Variants in EDNRB observed in about 807,000 individuals in gnomAD.
The protein encoded by EDNRB is endothelin receptor type B.
EDNRB carries 18 observed loss-of-function variants against 46.4 expected under a neutral mutation model. The ratio of observed to expected loss-of-function variants is 0.39; its 90% confidence interval spans 0.27 to 0.57. EDNRB has a LOEUF of 0.57. EDNRB is among the 20% of genes least tolerant of loss of function. The pLI is 0.61. For synonymous variants in EDNRB, 213 were observed against 204.9 expected (o/e 1.04, Z -0.34); for missense variants, 434 against 537.5 (o/e 0.81, Z 1.90).
chr13:77,912,431 G>C (rs1879617734), intron 1 of EDNRB, among the ~76,000 whole-genome samples: 1 of 152,030 alleles, frequency 6.6e-6, no homozygotes, highest in South Asian at 2.1e-4. Context: ...CTGAGTTTCT[G>C]GTTGATTTGA....
chr13:77,917,653 A>G, intron 1 of EDNRB, among the ~76,000 whole-genome samples: 1 of 152,194 alleles, frequency 6.6e-6, no homozygotes, highest in East Asian at 1.9e-4. Context: ...AGGTGCACTT[A>G]GGGACTAGAT....
chr13:77,925,504 G>A (rs771076306), intron 1 of EDNRB, among the ~76,000 whole-genome samples: 9 of 152,346 alleles, frequency 5.9e-5, no homozygotes, highest in South Asian at 2.1e-4. Context: ...AGCTCAGGCT[G>A]TGCCTTCAGA....
intron 1 of EDNRB, 115 bp downstream of exon 1, chr13:77,917,976 G>C: frequency 6.6e-7 from 1 of 1,515,150 alleles, no homozygotes; most frequent in Non-Finnish European, 9.1e-7. Flanking sequence ...TTTAGGAGGG[G>C]CAGAACCTTA....
chr13:77,919,688 C>G, upstream of EDNRB: 1 of 1,437,280 alleles, frequency 7.0e-7, no homozygotes, highest in Admixed American at 2.0e-5. Context: ...TCCCCTTGGG[C>G]GATGCCTGGA....
At chr13:77,970,297 G>A (rs926170300) in intron 1 of EDNRB, among the ~76,000 whole-genome samples, 28 of 152,144 alleles carry the variant, frequency 1.8e-4, no homozygotes, top group African/African-American at 6.8e-4. Context: ...GGTATTTTCT[G>A]AGTCAAAGGG....
chr13:77,920,924 T>C (rs1160340630), upstream of EDNRB, among the ~76,000 whole-genome samples: 1 of 152,218 alleles, frequency 6.6e-6, no homozygotes, highest in African/African-American at 2.4e-5. Flanking sequence ...CTATGGCTCC[T>C]GTGGGGTGAC....
At chr13:77,951,978 G>A (rs999137302) in intron 1 of EDNRB, among the ~76,000 whole-genome samples, 7 of 151,970 alleles carry the variant, frequency 4.6e-5, no homozygotes, top group Non-Finnish European at 7.4e-5. Flanking sequence ...ATATGTTACC[G>A]GACAACCCTA....
chr13:77,938,486 G>T (rs1235634823), intron 1 of EDNRB, among the ~76,000 whole-genome samples: 1 of 152,006 alleles, frequency 6.6e-6, no homozygotes, highest in African/African-American at 2.4e-5. Context: ...AAGGAGAAGG[G>T]GTTGGGGGGT....
chr13:77,919,168 T>G, upstream of EDNRB: 1 of 558,496 alleles, frequency 1.8e-6, no homozygotes, highest in Non-Finnish European at 3.0e-6. Context: ...GCGCCGGAGA[T>G]TCGGAAACCC....
At position 77,897,962 on chromosome 13, in the gene EDNRB, A is replaced by G; in HGVS notation, c.*238T>C. ...GAGCTATGTTGAAGTGCTAACTGTA[A>G]AAAATTAAGTGCTTTCACGACGAGG... On this transcript the variant is annotated 3_prime_UTR_variant, in exon 7 of 7. Coordinates refer to ENST00000646607, the MANE Select transcript of EDNRB (RefSeq NM_001122659.3). 1 of 1,291,914 alleles carries G rather than the reference A, an allele frequency of 7.7e-7. No individual in the cohort carries two copies. The highest frequency in any genetic ancestry group is 3.6e-5 in the East Asian group (1 of 27,470). 80.0% of individuals were successfully genotyped at this position (1,291,914 alleles called of 1,614,324 possible).
At chr13:77,966,846 A>G (rs538461235) in intron 1 of EDNRB, among the ~76,000 whole-genome samples, 2 of 152,126 alleles carry the variant, frequency 1.3e-5, no homozygotes, top group Non-Finnish European at 2.9e-5. Flanking sequence ...GTCAGCTACA[A>G]ATGTATTGGA....
intron 1 of EDNRB, among the ~76,000 whole-genome samples, chr13:77,917,479 G>A (rs1879869400): frequency 1.3e-5 from 2 of 152,094 alleles, no homozygotes; most frequent in African/African-American, 4.8e-5. Context: ...TTCCAAAACA[G>A]TCCTTCCCAA....
chr13:77,950,316 G>A (rs866680840), intron 1 of EDNRB, among the ~76,000 whole-genome samples: 1 of 152,210 alleles, frequency 6.6e-6, no homozygotes. Context: ...TCCCTTTGGA[G>A]GTTGATAGGA....
At chr13:77,962,267 C>A (rs1327991801) in intron 1 of EDNRB, among the ~76,000 whole-genome samples, 1 of 152,174 alleles carries the variant, frequency 6.6e-6, no homozygotes, top group Non-Finnish European at 1.5e-5. Flanking sequence ...GGAATCCCCC[C>A]TAACTCATTT....
At chr13:77,951,739 G>A (rs776948005) in intron 1 of EDNRB, among the ~76,000 whole-genome samples, 5 of 152,098 alleles carry the variant, frequency 3.3e-5, no homozygotes, top group Admixed American at 2.6e-4. Context: ...CTCAAGTTGG[G>A]CCTCTAACCC....
Position 77,901,067 on chromosome 13 carries a change from G to A in EDNRB, c.942C>T (p.His314=). The part of the protein sequence containing the change: ...KSGMQIALND[H]LKQRREVAKT... ...ATTTGTATTTTCTTACCTGCTTTAG[G>A]TGATCATTTAAAGCAATCTGCATGC... is the stretch of plus-strand genomic sequence containing the variant. Residue 314 remains histidine, a synonymous_variant, in exon 4 of 7, where the codon CAC becomes CAT. Coordinates refer to ENST00000646607, the MANE Select transcript of EDNRB (RefSeq NM_001122659.3). 6.2e-7 allele frequency: 1 copy of A among 1,610,134 alleles called. No individual in the cohort carries two copies. Among genetic ancestry groups the A allele is most frequent in the Non-Finnish European group, 8.5e-7 (1 of 1,178,128 alleles).
upstream of EDNRB, among the ~76,000 whole-genome samples, chr13:77,923,893 T>C (rs1248191961): frequency 6.6e-6 from 1 of 152,192 alleles, no homozygotes; most frequent in Non-Finnish European, 1.5e-5. Flanking sequence ...TCTTTTGTTT[T>C]TAACAACTGT....
intron 1 of EDNRB, among the ~76,000 whole-genome samples, chr13:77,950,530 G>A (rs1473632205): frequency 6.6e-6 from 1 of 152,188 alleles, no homozygotes; most frequent in Admixed American, 6.5e-5. Flanking sequence ...CCTAAACTGG[G>A]GCAGTAGGGG....
At chr13:77,952,621 A>C (rs564376475) in intron 1 of EDNRB, among the ~76,000 whole-genome samples, 108 of 152,324 alleles carry the variant, frequency 7.1e-4, no homozygotes, top group African/African-American at 2.5e-3. Flanking sequence ...TACAATATTT[A>C]GGGTTTTTAA....
Sources: allele counts gnomAD v4.1 joint callset (sites outside exome capture counted in the v4.1 genomes callset), GRCh38; gene constraint gnomAD v4.1.1; transcripts MANE v1.5; gene names NCBI Gene and HGNC (gene_info 2026-07-23, HGNC 2026-07-21).